KCNMA1: variants seen among roughly 807,000 people sequenced by gnomAD.
KCNMA1 encodes the protein potassium calcium-activated channel subfamily M alpha 1, also known as Calcium-activated potassium channel subunit alpha-1.
In KCNMA1, 29 loss-of-function variants were observed where a neutral mutation model predicts 140.0. That is an observed-to-expected ratio of 0.21 (90% CI 0.15 to 0.28). The LOEUF is 0.28. Among genes scored for constraint, KCNMA1 ranks in the 10% least tolerant of loss-of-function variants. KCNMA1 has a pLI of 1.00. For synonymous variants in KCNMA1, 612 were observed against 611.9 expected, an observed-to-expected ratio of 1.00 and a Z score of 0.00; for missense variants, 880 against 1,602.2, an observed-to-expected ratio of 0.55 and a Z score of 7.70.
At chr10:77,476,464 C>A (rs554847488) in intron 1 of KCNMA1, among the ~76,000 whole-genome samples, 12 of 152,250 alleles carry the variant, frequency 7.9e-5, no homozygotes, top group Middle Eastern at 6.8e-3. Context: ...TCCCTAAGCC[C>A]TCTTCCCTCT....
intron 25 of KCNMA1, among the ~76,000 whole-genome samples, chr10:76,907,727 G>C (rs1338860585): frequency 1.3e-5 from 2 of 152,022 alleles, no homozygotes; most frequent in Non-Finnish European, 2.9e-5. Context: ...TTTTAGTAGA[G>C]ACAGGGTTTT....
At chr10:77,445,794 G>T (rs1190147922) in intron 1 of KCNMA1, among the ~76,000 whole-genome samples, 2 of 152,178 alleles carry the variant, frequency 1.3e-5, no homozygotes, top group Non-Finnish European at 2.9e-5. Flanking sequence ...GCTGAGAGAG[G>T]CTAGCGCAAA....
intron 23 of KCNMA1, among the ~76,000 whole-genome samples, chr10:76,927,477 T>C (rs1212251460): frequency 6.6e-6 from 1 of 152,198 alleles, no homozygotes; most frequent in Non-Finnish European, 1.5e-5. Context: ...CAAGATGCTA[T>C]CTCGGGCATT....
chr10:77,370,810 G>A (rs942305120), intron 2 of KCNMA1, among the ~76,000 whole-genome samples: 2 of 152,174 alleles, frequency 1.3e-5, no homozygotes, highest in South Asian at 4.1e-4. Context: ...GCCTTGCATT[G>A]ACCAACTCTG....
intron 2 of KCNMA1, among the ~76,000 whole-genome samples, chr10:77,378,875 G>T (rs1235084469): frequency 6.6e-6 from 1 of 152,164 alleles, no homozygotes; most frequent in African/African-American, 2.4e-5. Context: ...ATTATTCATT[G>T]TAAGATGACT....
At chr10:77,382,994 G>GTGTGTGTGTGTGTATA (rs1491457588) in intron 2 of KCNMA1, among the ~76,000 whole-genome samples, 17 of 46,432 alleles carry the variant, frequency 3.7e-4, no homozygotes, top group South Asian at 1.5e-3. Flanking sequence ...GTGTGTGTGT[G>GTGTGTGTGTGTGTATA]TATATATATA....
rs775637689 is a variant in KCNMA1 at position 77,090,392 on chromosome 10, G to T, written c.1334+8C>A. On this transcript the variant is annotated splice_region_variant and intron_variant, in intron 10 of 27. Coordinates refer to ENST00000286628, the MANE Select transcript of KCNMA1 (RefSeq NM_001161352.2). ...GCAGAGGGTCTGACAGCAGTAGGAA[G>T]CTCTTACTTGTGAAGAAAAACGATC... 13 of 1,571,006 alleles carry T rather than the reference G, an allele frequency of 8.3e-6. No homozygotes were observed. In the Admixed American group the frequency reaches 1.8e-4, roughly 22 times the overall value.
chr10:77,384,225 A>C (rs1459020171), intron 2 of KCNMA1, among the ~76,000 whole-genome samples: 1 of 152,226 alleles, frequency 6.6e-6, no homozygotes, highest in African/African-American at 2.4e-5. Context: ...CTCCCAGTTG[A>C]GAACATGACC....
intron 2 of KCNMA1, among the ~76,000 whole-genome samples, chr10:77,361,501 C>G (rs534366300): frequency 3.6e-4 from 55 of 152,350 alleles, no homozygotes; most frequent in Admixed American, 1.3e-3. Flanking sequence ...CCTGGATTTT[C>G]TGCAAGCAAA....
intron 3 of KCNMA1, among the ~76,000 whole-genome samples, chr10:77,209,767 A>G (rs1183410836): frequency 6.6e-6 from 1 of 152,180 alleles, no homozygotes; most frequent in East Asian, 1.9e-4. Flanking sequence ...GAAGACTATT[A>G]TGAATACCTC....
At chr10:76,915,993 C>T (rs1159674428) in intron 23 of KCNMA1, among the ~76,000 whole-genome samples, 2 of 151,208 alleles carry the variant, frequency 1.3e-5, no homozygotes, top group African/African-American at 4.9e-5. Context: ...AGGATTTCTC[C>T]CTATGTGAGA....
intron 2 of KCNMA1, among the ~76,000 whole-genome samples, chr10:77,363,536 G>C (rs572490178): frequency 2.4e-4 from 37 of 152,320 alleles, no homozygotes; most frequent in Non-Finnish European, 2.6e-4. Flanking sequence ...CTAGTAAATA[G>C]AATTACATTA....
chr10:77,211,403 C>G (rs539697639), intron 3 of KCNMA1, among the ~76,000 whole-genome samples: 1 of 151,964 alleles, frequency 6.6e-6, no homozygotes, highest in Non-Finnish European at 1.5e-5. Context: ...GCTAACCATA[C>G]GTAGAAGAAT....
intron 1 of KCNMA1, chr10:77,636,481 G>T (rs1215262856): frequency 6.5e-7 from 1 of 1,536,088 alleles, no homozygotes; most frequent in Non-Finnish European, 8.7e-7. Flanking sequence ...GCTCCGCGCT[G>T]CTGGTGGCAT....
chr10:77,368,059 A>G (rs181630976), intron 2 of KCNMA1, among the ~76,000 whole-genome samples: 22 of 152,316 alleles, frequency 1.4e-4, no homozygotes, highest in Non-Finnish European at 1.5e-5. Flanking sequence ...GTAAATATCT[A>G]GACATTGAAT....
intron 2 of KCNMA1, among the ~76,000 whole-genome samples, chr10:77,277,922 A>T (rs1457290845): frequency 2.0e-5 from 3 of 152,216 alleles, no homozygotes; most frequent in South Asian, 2.1e-4. Flanking sequence ...AAAGAATGCT[A>T]GAGATGTTTT....
At chr10:76,920,020 G>GTGTGTATATA (rs1177257916) in intron 23 of KCNMA1, among the ~76,000 whole-genome samples, 78 of 34,402 alleles carry the variant, frequency 2.3e-3, no homozygotes, top group East Asian at 0.012. Flanking sequence ...GTGTGTGTGT[G>GTGTGTATATA]TATATATATA....
intron 1 of KCNMA1, among the ~76,000 whole-genome samples, chr10:77,618,997 A>G (rs1376643218): frequency 6.6e-6 from 1 of 152,182 alleles, no homozygotes; most frequent in African/African-American, 2.4e-5. Context: ...GGAAGTCCTA[A>G]GTGGCTGGGT....
At chr10:76,964,403 G>A (rs376489404) in intron 20 of KCNMA1, among the ~76,000 whole-genome samples, 40 of 152,218 alleles carry the variant, frequency 2.6e-4, no homozygotes, top group South Asian at 1.5e-3. Context: ...TCCTACAGGA[G>A]GTTGTACAAG....
Sources: gnomAD v4.1 joint callset for allele counts (sites outside exome capture counted in the v4.1 genomes callset) on GRCh38, gnomAD v4.1.1 for gene constraint, MANE v1.5 for transcripts, NCBI Gene and HGNC (gene_info 2026-07-23, HGNC 2026-07-21) for gene names.